Variants in SGSM1 observed in about 807,000 individuals in gnomAD.
The protein encoded by SGSM1 is small G protein signaling modulator 1.
Under a neutral mutation model 133.8 loss-of-function variants are expected in SGSM1, and 73 were observed. The observed-to-expected ratio is 0.55, with a 90% CI of 0.45 to 0.66. SGSM1 has a LOEUF of 0.66. SGSM1 is among the 30% of genes least tolerant of loss of function. The pLI is 0.00. For synonymous variants in SGSM1, 563 were observed against 573.0 expected (o/e 0.98, Z 0.25); for missense variants, 1,213 against 1,448.1 (o/e 0.84, Z 2.64).
At chr22:24,824,349 A>C (rs894476427) in intron 2 of SGSM1, among the ~76,000 whole-genome samples, 4 of 152,228 alleles carry the variant, frequency 2.6e-5, no homozygotes, top group Admixed American at 2.6e-4. Context: ...AGGATTTAGC[A>C]GGGAAGGAAG....
Position 24,806,492 on chromosome 22 carries a change from C to T in SGSM1, c.63+8C>T. Reference sequence around the variant, plus strand: ...CGCACCGTCAAGAAGGAGGTGGGTGCCGGGGTGGGGGCACTGGGCAGGACT... The same window carrying T: ...CGCACCGTCAAGAAGGAGGTGGGTGTCGGGGTGGGGGCACTGGGCAGGACT... On this transcript the variant is annotated splice_region_variant and intron_variant, in intron 2 of 24. Coordinates refer to ENST00000400358, the MANE Select transcript of SGSM1 (RefSeq NM_001098497.3). The T allele has an allele frequency of 6.6e-7, 1 of 1,509,244 alleles. No individual in the cohort carries two copies. Among genetic ancestry groups the T allele is most frequent in the East Asian group, 2.8e-5 (1 of 35,206 alleles). 93.5% of individuals were successfully genotyped at this position (1,509,244 alleles called of 1,614,324 possible).
chr22:24,813,382 C>T lies in SGSM1; in HGVS notation c.63+6898C>T, dbSNP rs116969296. ...GGGACAAGTTGAGAGGAAGCAAAGA[C>T]ACCAGATCATCAGATAAGACAGGAA... On this transcript the variant is annotated intron_variant, in intron 2 of 24. Transcript: ENST00000400358. Among the ~76,000 whole-genome samples, 19 of 152,298 alleles carry T rather than the reference C, an allele frequency of 1.2e-4. No homozygotes were observed. The East Asian group carries it at 3.5e-3, about 28-fold the overall frequency.
At position 24,837,940 on chromosome 22, in the gene SGSM1, T is replaced by C. The variant is rs559985090; in HGVS notation, c.64-6957T>C. Among the ~76,000 whole-genome samples the C allele has an allele frequency of 2.5e-4, 38 of 152,336 alleles. No homozygotes were observed. In the South Asian group the frequency reaches 7.9e-3, roughly 32 times the overall value. ...GATCTATATCTGGTATAACTATTCT[T>C]GTTTTATATTTTATTATACTGGAAC... On this transcript the variant is annotated intron_variant, in intron 2 of 24. Transcript: ENST00000400358.
intron 19 of SGSM1, among the ~76,000 whole-genome samples, chr22:24,899,038 A>C (rs1040219351): frequency 1.7e-4 from 26 of 151,144 alleles, no homozygotes; most frequent in African/African-American, 6.3e-4. Flanking sequence ...AAAAAAAAAA[A>C]AAAAAAAAAC....
At position 24,921,343 on chromosome 22, in the gene SGSM1, G is replaced by A. The variant is rs537764700; in HGVS notation, c.3193+1350G>A. ...TAGAACTCCTGACCTCAGGCGATCC[G>A]TCTGCCTTGGCCTCCCAAAGTGCTG... is the stretch of plus-strand genomic sequence containing the variant. On this transcript the variant is annotated intron_variant, in intron 24 of 24. Coordinates refer to ENST00000400358, the MANE Select transcript of SGSM1 (RefSeq NM_001098497.3). Among the ~76,000 whole-genome samples, 4 of 152,226 alleles carry A rather than the reference G, an allele frequency of 2.6e-5. No individual in the cohort carries two copies. In the South Asian group the frequency reaches 6.2e-4, roughly 24 times the overall value.
intron 5 of SGSM1, among the ~76,000 whole-genome samples, chr22:24,852,745 T>G (rs1382818245): frequency 6.6e-6 from 1 of 151,250 alleles, no homozygotes; most frequent in Non-Finnish European, 1.5e-5. Flanking sequence ...GCCTGGTCGT[T>G]TTTTATTTAT....
At chr22:24,905,460 G>A (rs746767399) in intron 21 of SGSM1, among the ~76,000 whole-genome samples, 2 of 152,130 alleles carry the variant, frequency 1.3e-5, no homozygotes, top group Admixed American at 6.6e-5. Flanking sequence ...AACCCAGACG[G>A]CTTCACTGGT....
intron 14 of SGSM1, among the ~76,000 whole-genome samples, chr22:24,883,230 A>G (rs1483090985): frequency 6.6e-6 from 1 of 152,076 alleles, no homozygotes. Flanking sequence ...CCATTCATTC[A>G]CTGATGGACA....
rs1930009755 is a variant in SGSM1 at position 24,844,948 on chromosome 22, A to G, written c.115A>G (p.Ser39Gly). The G allele has an allele frequency of 6.2e-6, 10 of 1,613,862 alleles. No individual in the cohort carries two copies. The highest frequency in any genetic ancestry group is 8.5e-6 in the Non-Finnish European group (10 of 1,179,880). The change falls in exon 3 of 25, where the codon AGC (serine) becomes GGC (glycine). Residue 39 changes from serine to glycine, a missense_variant. Coordinates refer to ENST00000400358, the MANE Select transcript of SGSM1 (RefSeq NM_001098497.3). ...GACACGCAAGTTTGTCCACGAAGAC[A>G]GCAGCCACATCATCTCCTTCTGTGG... ...AVTRKFVHED[S>G]SHIISFCAAV...
intron 16 of SGSM1, among the ~76,000 whole-genome samples, chr22:24,892,388 T>C (rs1932829969): frequency 6.6e-6 from 1 of 152,140 alleles, no homozygotes; most frequent in African/African-American, 2.4e-5. Context: ...ACGCAGAGCC[T>C]GTTACCTGGG....
chr22:24,915,869 G>T (rs903695265), intron 22 of SGSM1, among the ~76,000 whole-genome samples: 1 of 151,952 alleles, frequency 6.6e-6, no homozygotes, highest in Admixed American at 6.6e-5. Flanking sequence ...TCTAGTTTTT[G>T]GTTCATTTGG....
At chr22:24,853,818 C>T (rs368211271) in intron 5 of SGSM1, among the ~76,000 whole-genome samples, 7 of 146,410 alleles carry the variant, frequency 4.8e-5, no homozygotes, top group East Asian at 2.0e-4. Context: ...GGGGTTTCAC[C>T]GTGTTAGCCA....
intron 2 of SGSM1, among the ~76,000 whole-genome samples, chr22:24,827,319 C>T (rs1036227727): frequency 1.3e-5 from 2 of 151,518 alleles, no homozygotes; most frequent in African/African-American, 2.4e-5. Context: ...CTGGAATTAG[C>T]ACTCACTTGC....
intron 22 of SGSM1, among the ~76,000 whole-genome samples, chr22:24,917,436 C>T (rs1009244062): frequency 4.6e-5 from 7 of 152,114 alleles, no homozygotes; most frequent in African/African-American, 1.7e-4. Flanking sequence ...ATTGCATTTT[C>T]CTAAGGATTA....
chr22:24,909,069 A>G (rs1435409819), intron 21 of SGSM1, among the ~76,000 whole-genome samples: 2 of 152,064 alleles, frequency 1.3e-5, no homozygotes, highest in African/African-American at 4.8e-5. Context: ...TTAAATTCTC[A>G]TAGGAGCGTG....
At chr22:24,898,810 G>A (rs914522793) in intron 19 of SGSM1, among the ~76,000 whole-genome samples, 11 of 152,042 alleles carry the variant, frequency 7.2e-5, no homozygotes, top group African/African-American at 2.2e-4. Context: ...GGTGGATCAC[G>A]AAGTCAGAAG....
intron 2 of SGSM1, among the ~76,000 whole-genome samples, chr22:24,839,369 A>G (rs1025127353): frequency 1.3e-5 from 2 of 152,172 alleles, no homozygotes; most frequent in Non-Finnish European, 2.9e-5. Flanking sequence ...GTGACCGACC[A>G]TGTTCTTTTA....
intron 2 of SGSM1, among the ~76,000 whole-genome samples, chr22:24,818,878 G>A (rs140053023): frequency 6.6e-6 from 1 of 152,010 alleles, no homozygotes; most frequent in East Asian, 2.0e-4. Flanking sequence ...CGGGAGCAGT[G>A]GCTCACGCCT....
chr22:24,893,406 G>A, intron 16 of SGSM1, 25 bp from the exon 17 acceptor site: 1 of 1,611,532 alleles, frequency 6.2e-7, no homozygotes, highest in Non-Finnish European at 8.5e-7. Flanking sequence ...TGACACCTCG[G>A]GTGACATTGC....
Sources: allele counts gnomAD v4.1 joint callset (sites outside exome capture counted in the v4.1 genomes callset), GRCh38; gene constraint gnomAD v4.1.1; transcripts MANE v1.5; gene names NCBI Gene and HGNC (gene_info 2026-07-23, HGNC 2026-07-21).